SASS6: variants seen among roughly 807,000 people sequenced by gnomAD.
SASS6 encodes the protein spindle assembly abnormal protein 6 homolog.
SASS6 carries 59 observed loss-of-function variants against 94.9 expected under a neutral mutation model. The ratio of observed to expected loss-of-function variants is 0.62; its 90% CI spans 0.50 to 0.77. The LOEUF is 0.77. SASS6 is among the 30% of genes least tolerant of loss of function. SASS6 has a pLI of 0.00. For missense variants in SASS6, 698 were observed against 734.1 expected (o/e 0.95, Z 0.57); for synonymous variants, 264 against 270.0 (o/e 0.98, Z 0.22).
intron 1 of SASS6, among the ~76,000 whole-genome samples, chr1:100,127,588 A>G (rs1654710387): frequency 6.6e-6 from 1 of 152,236 alleles, no homozygotes; most frequent in African/African-American, 2.4e-5. Context: ...TTTACACCAG[A>G]GAGAGGAAGA....
chr1:100,131,569 C>G (rs565423276), intron 1 of SASS6, among the ~76,000 whole-genome samples: 1 of 152,178 alleles, frequency 6.6e-6, no homozygotes, highest in African/African-American at 2.4e-5. Context: ...TTCAGATAAG[C>G]CCCATTTCAA....
rs1007622643 is a variant in SASS6, at chr1:100,084,389, A to G, written c.*939T>C. On this transcript the variant is annotated 3_prime_UTR_variant, in exon 17 of 17. Coordinates refer to ENST00000287482, the MANE Select transcript of SASS6 (RefSeq NM_194292.3). ...ATGATTCTAGGTGAATTTTAAAAAA[A>G]TTTTTCCCCAAGGAACAATTCTTAA... The G allele has an allele frequency of 6.6e-6, 1 of 152,090 alleles. No homozygotes were observed. Among genetic ancestry groups the G allele is most frequent in the African/African-American group, 2.4e-5 (1 of 41,456 alleles). 9.4% of individuals were successfully genotyped at this position (152,090 alleles called of 1,614,324 possible). A position where few individuals can be genotyped will look rare whatever the true frequency, so the allele number is the denominator to read the frequency against.
chr1:100,125,954 G>A lies in SASS6; in HGVS notation c.66-12C>T. 7.1e-7 allele frequency: 1 copy of A among 1,415,530 alleles called. No individual in the cohort carries two copies. The highest frequency in any genetic ancestry group is 9.7e-7 in the Non-Finnish European group (1 of 1,026,408). 87.7% of individuals were successfully genotyped at this position (1,415,530 alleles called of 1,614,324 possible). A position where few individuals can be genotyped will look rare whatever the true frequency, so the allele number is the denominator to read the frequency against. ...TTATACTTACTCTCCTGTAGGAAAA[G>A]ACATACCCAACCATCAGAAACATTC... On this transcript the variant is annotated splice_polypyrimidine_tract_variant and intron_variant, in intron 1 of 16. Coordinates refer to ENST00000287482, the MANE Select transcript of SASS6 (RefSeq NM_194292.3).
intron 7 of SASS6, among the ~76,000 whole-genome samples, chr1:100,112,234 T>C (rs1330377058): frequency 1.3e-5 from 2 of 152,122 alleles, no homozygotes; most frequent in African/African-American, 4.8e-5. Flanking sequence ...ACAGTAGTTT[T>C]GGAAGAATAT....
In SASS6 at chr1:100,084,367, A is replaced by G. The variant is rs1337801305; in HGVS notation, c.*961T>C. Reference sequence around the variant, plus strand: ...TAAGAAAACAAAATGAGGCCCTATGATTCTAGGTGAATTTTAAAAAAATTT... The same window carrying G: ...TAAGAAAACAAAATGAGGCCCTATGGTTCTAGGTGAATTTTAAAAAAATTT... On this transcript the variant is annotated 3_prime_UTR_variant, in exon 17 of 17. Transcript: ENST00000287482. The G allele has an allele frequency of 6.6e-6, 1 of 152,034 alleles. No individual in the cohort carries two copies. The highest frequency in any genetic ancestry group is 2.4e-5 in the African/African-American group (1 of 41,434). 9.4% of individuals were successfully genotyped at this position (152,034 alleles called of 1,614,324 possible). A position where few individuals can be genotyped will look rare whatever the true frequency, so the allele number is the denominator to read the frequency against.
chr1:100,098,723 G>A (rs562832067), intron 14 of SASS6, among the ~76,000 whole-genome samples: 2 of 151,014 alleles, frequency 1.3e-5, no homozygotes, highest in Admixed American at 6.7e-5. Flanking sequence ...TAGTACATCC[G>A]TATACTGGAA....
At chr1:100,118,751 T>A (rs1653957996) in intron 7 of SASS6, among the ~76,000 whole-genome samples, 1 of 55,270 alleles carries the variant, frequency 1.8e-5, no homozygotes, top group Non-Finnish European at 5.4e-5. Context: ...ATAAATGACA[T>A]AATTTACAGA....
At chr1:100,089,682 A>C (rs1570681623) in intron 14 of SASS6, among the ~76,000 whole-genome samples, 1 of 152,160 alleles carries the variant, frequency 6.6e-6, no homozygotes, top group African/African-American at 2.4e-5. Context: ...CAACATTATA[A>C]GACAAAAGAA....
chr1:100,092,007 CAAAAAAAAA>C (rs34503110), intron 14 of SASS6, among the ~76,000 whole-genome samples: 6 of 50,022 alleles, frequency 1.2e-4, no homozygotes, highest in East Asian at 6.4e-4. Context: ...GACCCTGTCT[CAAAAAAAAA>C]AAAAAAAAAA....
intron 7 of SASS6, among the ~76,000 whole-genome samples, chr1:100,113,045 CTG>C (rs1653463152): frequency 6.6e-6 from 1 of 152,170 alleles, no homozygotes. Flanking sequence ...TTCAGTCACT[CTG>C]GAGTTTTAAA....
chr1:100,101,747 T>C (rs1477326007), intron 14 of SASS6, among the ~76,000 whole-genome samples: 1 of 152,118 alleles, frequency 6.6e-6, no homozygotes, highest in African/African-American at 2.4e-5. Flanking sequence ...GCCAGTTATA[T>C]GCATCTAAGT....
chr1:100,103,365 C>T (rs552051983), intron 13 of SASS6, among the ~76,000 whole-genome samples: 26 of 152,184 alleles, frequency 1.7e-4, no homozygotes, highest in Admixed American at 7.2e-4. Context: ...TCTGAACCAA[C>T]TTGTTTCACT....
chr1:100,117,764 T>C (rs183865848), intron 7 of SASS6, among the ~76,000 whole-genome samples: 2 of 143,650 alleles, frequency 1.4e-5, no homozygotes, highest in East Asian at 2.0e-4. Flanking sequence ...AAGATGCTTA[T>C]CTTCACAAAA....
Position 100,132,839 on chromosome 1 carries a change from T to G in SASS6, c.-25A>C. 6.2e-7 allele frequency: 1 copy of G among 1,610,536 alleles called. No homozygotes were observed. The highest frequency in any genetic ancestry group is 8.5e-7 in the Non-Finnish European group (1 of 1,176,842). On this transcript the variant is annotated 5_prime_UTR_variant, in exon 1 of 17. Coordinates refer to ENST00000287482, the MANE Select transcript of SASS6 (RefSeq NM_194292.3). ...TGTTGGCTCGCTGCCTCGGCTGGTG[T>G]GCAGAAAAGCCCAACAGGCCCGGCC...
At chr1:100,107,274 A>G (rs987432981) in intron 11 of SASS6, 100 bp downstream of exon 11, 2 of 756,658 alleles carry the variant, frequency 2.6e-6, no homozygotes, top group African/African-American at 3.6e-5. Context: ...TTGTTAAAAA[A>G]AAAAACAAGA....
chr1:100,120,547 G>T, intron 5 of SASS6, 88 bp from the exon 6 acceptor site: 1 of 638,728 alleles, frequency 1.6e-6, no homozygotes, highest in African/African-American at 1.9e-5. Flanking sequence ...CATCATCCTG[G>T]AAGCCTGTTA....
rs1424262460 is a variant in SASS6, at chr1:100,120,465, C to T, written c.484-6G>A. ...ATCAATGATAATTTTTCTTCCTATT[C>T]ATAAAAATAATAAAATTACACAGTT... On this transcript the variant is annotated splice_polypyrimidine_tract_variant and splice_region_variant and intron_variant, in intron 5 of 16. Transcript: ENST00000287482. The T allele has an allele frequency of 7.8e-7, 1 of 1,280,738 alleles. No homozygotes were observed. The highest frequency in any genetic ancestry group is 1.7e-5 in the Admixed American group (1 of 59,232). 79.3% of individuals were successfully genotyped at this position (1,280,738 alleles called of 1,614,324 possible). A position where few individuals can be genotyped will look rare whatever the true frequency, so the allele number is the denominator to read the frequency against.
chr1:100,117,718 C>A (rs1653903021), intron 7 of SASS6, among the ~76,000 whole-genome samples: 1 of 150,264 alleles, frequency 6.7e-6, no homozygotes, highest in Non-Finnish European at 1.5e-5. Context: ...AAAAAATAAT[C>A]CACAGAAGAA....
Position 100,120,466 on chromosome 1 carries a change from A to G in SASS6, c.484-7T>C, listed in dbSNP as rs191137298. 3.2e-5 allele frequency: 38 copies of G among 1,204,612 alleles called. No homozygotes were observed. In the East Asian group the frequency reaches 8.6e-4, roughly 27 times the overall value. 74.6% of individuals were successfully genotyped at this position (1,204,612 alleles called of 1,614,324 possible). On this transcript the variant is annotated splice_polypyrimidine_tract_variant and splice_region_variant and intron_variant, in intron 5 of 16. Coordinates refer to ENST00000287482, the MANE Select transcript of SASS6 (RefSeq NM_194292.3). ...TCAATGATAATTTTTCTTCCTATTC[A>G]TAAAAATAATAAAATTACACAGTTT...
Sources: gnomAD v4.1 joint callset for allele counts (sites outside exome capture counted in the v4.1 genomes callset) on GRCh38, gnomAD v4.1.1 for gene constraint, MANE v1.5 for transcripts, NCBI Gene and HGNC (gene_info 2026-07-23, HGNC 2026-07-21) for gene names.